Variants in FAM107B observed in about 807,000 individuals in gnomAD.
The protein encoded by FAM107B is family with sequence similarity 107 member B.
In FAM107B, 21 loss-of-function variants were observed where a neutral mutation model predicts 31.5. That is an observed-to-expected ratio of 0.67 (90% confidence interval 0.47 to 0.96). The LOEUF (loss-of-function observed/expected upper bound fraction) is 0.96, where lower values mean the gene tolerates loss of function less well. FAM107B is among the 40% of genes least tolerant of loss of function. The pLI is 0.00. For missense variants in FAM107B, 452 were observed against 377.1 expected (o/e 1.20, Z -1.64); for synonymous variants, 157 against 141.5 (o/e 1.11, Z -0.78).
At chr10:14,564,269 T>TA (rs1188127619) in intron 2 of FAM107B, among the ~76,000 whole-genome samples, 1 of 152,008 alleles carries the variant, frequency 6.6e-6, no homozygotes, top group South Asian at 2.1e-4. Context: ...GACTTCTGCT[T>TA]AAAAAAAGAC....
At chr10:14,698,267 T>G (rs1001923288) in intron 1 of FAM107B, among the ~76,000 whole-genome samples, 1 of 152,090 alleles carries the variant, frequency 6.6e-6, no homozygotes, top group Non-Finnish European at 1.5e-5. Context: ...AGAAGAGAGG[T>G]CTAAATCTAC....
chr10:14,683,424 A>C (rs1357489372), intron 1 of FAM107B, among the ~76,000 whole-genome samples: 1 of 152,210 alleles, frequency 6.6e-6, no homozygotes, highest in Non-Finnish European at 1.5e-5. Flanking sequence ...CAGGCCAAGA[A>C]AGCCGCAGGA....
In FAM107B at chr10:14,530,387, T is replaced by C. The variant is rs1306741514; in HGVS notation, c.598A>G (p.Lys200Glu). 1 of 1,613,212 alleles carries C rather than the reference T, an allele frequency of 6.2e-7. No homozygotes were observed. The highest frequency in any genetic ancestry group is 1.3e-5 in the African/African-American group (1 of 74,708). ...IRPQKLINPV[K>E]TSRNHQDLHR... ...AGATCTTGATGGTTCCGGGAGGTTT[T>C]TACAGGATTGATCAGTTTCTGAGGC... Residue 200 changes from lysine to glutamate, a missense_variant, in exon 3 of 5, where the codon AAA (lysine) becomes GAA (glutamate). Physicochemically the swap from Lys to Glu is moderately conservative, Grantham distance 56 (BLOSUM62 1). Transcript: ENST00000181796.
intron 1 of FAM107B, among the ~76,000 whole-genome samples, chr10:14,696,065 G>C (rs928259049): frequency 3.9e-5 from 6 of 152,114 alleles, no homozygotes; most frequent in Non-Finnish European, 7.3e-5. Context: ...CCATATCTTA[G>C]TGAAAAACCT....
chr10:14,672,597 T>C (rs1161117769), intron 1 of FAM107B, among the ~76,000 whole-genome samples: 2 of 152,182 alleles, frequency 1.3e-5, no homozygotes, highest in Non-Finnish European at 2.9e-5. Context: ...CTCCATTCTA[T>C]ATGGGGTCTG....
intron 1 of FAM107B, among the ~76,000 whole-genome samples, chr10:14,716,438 A>T (rs772254305): frequency 6.6e-6 from 1 of 152,232 alleles, no homozygotes; most frequent in Admixed American, 6.5e-5. Context: ...GAGTGTCCTC[A>T]TGACATGGCA....
At chr10:14,622,221 TA>T (rs1330970819) in intron 2 of FAM107B, among the ~76,000 whole-genome samples, 1 of 152,032 alleles carries the variant, frequency 6.6e-6, no homozygotes, top group Non-Finnish European at 1.5e-5. Flanking sequence ...TCAGCAGACT[TA>T]CAGCCTAGCA....
chr10:14,585,478 C>A (rs1479764190), intron 2 of FAM107B, among the ~76,000 whole-genome samples: 1 of 152,154 alleles, frequency 6.6e-6, no homozygotes, highest in East Asian at 1.9e-4. Context: ...AGCCACGGAC[C>A]CTGGGGGGCG....
intron 1 of FAM107B, among the ~76,000 whole-genome samples, chr10:14,700,178 C>T (rs1855361395): frequency 6.6e-6 from 1 of 152,156 alleles, no homozygotes; most frequent in South Asian, 2.1e-4. Flanking sequence ...AGTGACTTAC[C>T]TGCCTCGGCC....
chr10:14,681,454 A>T (rs1357970148), intron 1 of FAM107B, among the ~76,000 whole-genome samples: 1 of 152,138 alleles, frequency 6.6e-6, no homozygotes, highest in African/African-American at 2.4e-5. Flanking sequence ...TCTGAGTCAC[A>T]TCCTTTCAGC....
intron 2 of FAM107B, among the ~76,000 whole-genome samples, chr10:14,594,752 T>A (rs1852132267): frequency 6.6e-6 from 1 of 152,156 alleles, no homozygotes; most frequent in Non-Finnish European, 1.5e-5. Flanking sequence ...ACTGCATTGG[T>A]TGGTGCCTCT....
At chr10:14,625,358 G>A (rs976523865) in intron 2 of FAM107B, among the ~76,000 whole-genome samples, 22 of 151,664 alleles carry the variant, frequency 1.5e-4, no homozygotes, top group South Asian at 6.2e-4. Flanking sequence ...GTCATCCTTC[G>A]TTTCATCTTC....
intron 1 of FAM107B, among the ~76,000 whole-genome samples, chr10:14,751,688 G>A (rs1224172545): frequency 1.3e-5 from 2 of 151,912 alleles, no homozygotes; most frequent in Non-Finnish European, 2.9e-5. Context: ...GAAATTATTT[G>A]AAAAAACTGT....
intron 2 of FAM107B, chr10:14,652,782 A>G (rs1853934901): frequency 6.6e-6 from 1 of 152,240 alleles, no homozygotes; most frequent in Non-Finnish European, 1.5e-5. Flanking sequence ...CTAAAATCAA[A>G]TACCGCAGCT....
chr10:14,654,495 T>C lies in FAM107B; in HGVS notation c.469+13139A>G, dbSNP rs576595564. 4.8e-4 allele frequency among the ~76,000 whole-genome samples: 73 copies of C among 152,322 alleles called. 1 individual carries two copies. The highest frequency in any genetic ancestry group is 7.5e-4 in the Non-Finnish European group (51 of 68,032). ...TGCGTTTTATTATCTCTTGCTCTCA[T>C]CATCTCTCTGTGGTGAAGGATAAGA... On this transcript the variant is annotated intron_variant, in intron 2 of 4. Transcript: ENST00000181796.
At chr10:14,699,917 T>G (rs1206793327) in intron 1 of FAM107B, among the ~76,000 whole-genome samples, 1 of 152,012 alleles carries the variant, frequency 6.6e-6, no homozygotes, top group Non-Finnish European at 1.5e-5. Flanking sequence ...AAGAGTCACT[T>G]TTTATTTTTT....
chr10:14,705,866 G>A (rs1273248174), intron 1 of FAM107B, among the ~76,000 whole-genome samples: 1 of 152,110 alleles, frequency 6.6e-6, no homozygotes, highest in East Asian at 1.9e-4. Flanking sequence ...ATGCCCTTTT[G>A]TCAACTAAGA....
At chr10:14,699,184 A>G (rs1251728062) in intron 1 of FAM107B, among the ~76,000 whole-genome samples, 1 of 152,212 alleles carries the variant, frequency 6.6e-6, no homozygotes, top group African/African-American at 2.4e-5. Context: ...AACAGTATGG[A>G]CCATGCTGTA....
chr10:14,755,937 T>C (rs2131586167), intron 1 of FAM107B, among the ~76,000 whole-genome samples: 1 of 152,310 alleles, frequency 6.6e-6, no homozygotes, highest in Non-Finnish European at 1.5e-5. Context: ...AGCTCAGGCT[T>C]TTCTGACTCC....
Sources: gnomAD v4.1 joint callset for allele counts (sites outside exome capture counted in the v4.1 genomes callset) on GRCh38, gnomAD v4.1.1 for gene constraint, MANE v1.5 for transcripts, NCBI Gene and HGNC (gene_info 2026-07-23, HGNC 2026-07-21) for gene names.